Variants in SLC25A48 observed in about 807,000 individuals in gnomAD.
The protein encoded by SLC25A48 is solute carrier family 25 member 48.
Under a neutral mutation model 32.2 loss-of-function variants are expected in SLC25A48, and 29 were observed. That is an observed-to-expected ratio of 0.90 (90% CI 0.67 to 1.23). SLC25A48 has a LOEUF of 1.23. SLC25A48 is among the 50% of genes most tolerant of loss of function. SLC25A48 has a pLI of 0.00. For synonymous variants in SLC25A48, 164 were observed against 172.3 expected (o/e 0.95, Z 0.38); for missense variants, 399 against 422.7 (o/e 0.94, Z 0.49).
intron 1 of SLC25A48, among the ~76,000 whole-genome samples, chr5:135,837,500 A>G (rs1384057448): frequency 1.3e-5 from 2 of 152,184 alleles, no homozygotes; most frequent in Non-Finnish European, 2.9e-5. Flanking sequence ...AACTGCTGCA[A>G]CAAGGCTGAT....
At chr5:135,591,092 A>G (rs1751516146) in intron 1 of SLC25A48, among the ~76,000 whole-genome samples, 1 of 151,998 alleles carries the variant, frequency 6.6e-6, no homozygotes, top group African/African-American at 2.4e-5. Flanking sequence ...CTTCTCTCCA[A>G]AGCTTTCCCC....
chr5:135,732,422 A>G (rs917341744), intron 3 of SLC25A48, among the ~76,000 whole-genome samples: 2 of 152,278 alleles, frequency 1.3e-5, no homozygotes, highest in East Asian at 1.9e-4. Flanking sequence ...GATAGTGTCT[A>G]CCCAGACCAG....
chr5:135,835,040 G>T lies in SLC25A48; in HGVS notation c.46+147G>T, dbSNP rs1758380815. 28 of 957,670 alleles carry T rather than the reference G, an allele frequency of 2.9e-5. No homozygotes were observed. In the South Asian group the frequency reaches 3.6e-4, roughly 12 times the overall value. 59.3% of individuals were successfully genotyped at this position (957,670 alleles called of 1,614,324 possible). On this transcript the variant is annotated intron_variant, in intron 1 of 7. Transcript: ENST00000681962. ...TGCTTTGGGGAGTGCCCGGCCCCGA[G>T]ATCCCCCTGGTGGTCTTGCAGTTGC...
At chr5:135,584,333 A>G (rs1751312721) in intron 1 of SLC25A48, among the ~76,000 whole-genome samples, 1 of 152,264 alleles carries the variant, frequency 6.6e-6, no homozygotes, top group African/African-American at 2.4e-5. Flanking sequence ...AGCAAAGGAC[A>G]TCAAAGGACA....
At chr5:135,638,379 G>C (rs1483788288) in intron 3 of SLC25A48, among the ~76,000 whole-genome samples, 2 of 142,496 alleles carry the variant, frequency 1.4e-5, no homozygotes, top group African/African-American at 5.2e-5. Flanking sequence ...AAATCACCTG[G>C]GAATATTGTT....
intron 3 of SLC25A48, among the ~76,000 whole-genome samples, chr5:135,667,316 T>C (rs549338273): frequency 6.6e-6 from 1 of 152,310 alleles, no homozygotes; most frequent in South Asian, 2.1e-4. Context: ...TAAAAAGGAT[T>C]GCCTGCGTGT....
chr5:135,777,163 C>T (rs1448779820), intron 3 of SLC25A48, among the ~76,000 whole-genome samples: 3 of 151,588 alleles, frequency 2.0e-5, no homozygotes, highest in African/African-American at 4.8e-5. Flanking sequence ...GTACACACCC[C>T]CCGTAATATT....
chr5:135,756,846 A>T (rs1457387145), intron 3 of SLC25A48, among the ~76,000 whole-genome samples: 1 of 151,822 alleles, frequency 6.6e-6, no homozygotes, highest in Non-Finnish European at 1.5e-5. Flanking sequence ...TAGTGTTAAC[A>T]CAGTGTTAGC....
At chr5:135,831,013 C>G (rs930197041), upstream of SLC25A48, among the ~76,000 whole-genome samples, 10 of 152,284 alleles carry the variant, frequency 6.6e-5, no homozygotes, top group Non-Finnish European at 1.5e-5. Flanking sequence ...GGGAGGCCTC[C>G]TCATGCAGAA....
chr5:135,853,598 G>A lies in SLC25A48; in HGVS notation c.421+777G>A, dbSNP rs138514410. Among the ~76,000 whole-genome samples the A allele has an allele frequency of 2.0e-5, 3 of 152,258 alleles. No homozygotes were observed. The East Asian group carries it at 5.8e-4, about 29-fold the overall frequency. ...TATTATCATGAGATTGCACCATTCA[G>A]CCCCATCTTCAGCCTCTACTTCTCA... On this transcript the variant is annotated intron_variant, in intron 4 of 7. Coordinates refer to ENST00000681962, the MANE Select transcript of SLC25A48 (RefSeq NM_001349336.2).
At position 135,716,792 on chromosome 5, in the gene SLC25A48, A is replaced by G. The variant is rs77236909; in HGVS notation, c.-521+81836A>G. ...GGTTGTGGAAAGCTCTGGACTAGGA[A>G]GGATGGCCTTTGAGACCACTCATCC... On this transcript the variant is annotated intron_variant, in intron 3 of 10. Coordinates refer to the SLC25A48 transcript ENST00000646290. Among the ~76,000 whole-genome samples, 854 of 152,340 alleles carry G rather than the reference A, an allele frequency of 5.6e-3. 6 individuals are homozygous for G. The highest frequency in any genetic ancestry group is 0.019 in the African/African-American group (807 of 41,582).
upstream of SLC25A48, among the ~76,000 whole-genome samples, chr5:135,832,205 G>A (rs1026106417): frequency 1.3e-5 from 2 of 152,188 alleles, no homozygotes; most frequent in African/African-American, 4.8e-5. Context: ...TATACGCTGA[G>A]AGATGGGAGG....
intron 3 of SLC25A48, among the ~76,000 whole-genome samples, chr5:135,676,439 A>G (rs376836254): frequency 2.6e-5 from 4 of 151,228 alleles, no homozygotes; most frequent in East Asian, 3.9e-4. Context: ...CTTTTCATTG[A>G]CCCTTTTTGG....
intron 3 of SLC25A48, among the ~76,000 whole-genome samples, chr5:135,682,224 C>G (rs1170424018): frequency 6.6e-6 from 1 of 152,140 alleles, no homozygotes; most frequent in Non-Finnish European, 1.5e-5. Context: ...TTGTTAGTTT[C>G]CCTTCTCTTG....
At chr5:135,659,450 A>G (rs1017283828) in intron 3 of SLC25A48, among the ~76,000 whole-genome samples, 1 of 152,214 alleles carries the variant, frequency 6.6e-6, no homozygotes, top group Admixed American at 6.5e-5. Flanking sequence ...GGTCAAAACT[A>G]TTCAACAAGT....
At chr5:135,628,600 G>A (rs1244710436) in intron 1 of SLC25A48, among the ~76,000 whole-genome samples, 1 of 152,190 alleles carries the variant, frequency 6.6e-6, no homozygotes, top group Admixed American at 6.5e-5. Context: ...TCCAAAGGGA[G>A]GTGACGTTGG....
intron 1 of SLC25A48, among the ~76,000 whole-genome samples, chr5:135,841,401 T>G (rs1758973654): frequency 6.6e-6 from 1 of 152,236 alleles, no homozygotes; most frequent in African/African-American, 2.4e-5. Flanking sequence ...TGTTATTATT[T>G]CTTGTGTTGT....
intron 7 of SLC25A48, among the ~76,000 whole-genome samples, chr5:135,885,432 C>G (rs572549211): frequency 6.6e-6 from 1 of 152,196 alleles, no homozygotes; most frequent in Non-Finnish European, 1.5e-5. Flanking sequence ...TCACCAGGAA[C>G]AGGAATGCTC....
intron 4 of SLC25A48, among the ~76,000 whole-genome samples, chr5:135,853,255 C>G (rs566580125): frequency 1.1e-4 from 17 of 152,300 alleles, no homozygotes; most frequent in African/African-American, 3.6e-4. Flanking sequence ...GTTGTTGTTG[C>G]TGAAGGTTGG....
Sources: allele counts gnomAD v4.1 joint callset (sites outside exome capture counted in the v4.1 genomes callset), GRCh38; gene constraint gnomAD v4.1.1; transcripts MANE v1.5; gene names NCBI Gene and HGNC (gene_info 2026-07-23, HGNC 2026-07-21).